TBC1D16: variants seen among roughly 807,000 people sequenced by gnomAD.
The protein encoded by TBC1D16 is CTD-2529O21.1.
Under a neutral mutation model 74.7 loss-of-function variants are expected in TBC1D16, and 58 were observed. That is an observed-to-expected ratio of 0.78 (90% CI 0.63 to 0.97). The LOEUF is 0.97. Among genes scored for constraint, TBC1D16 ranks in the 50% least tolerant of loss-of-function variants. TBC1D16 has a pLI of 0.00. For missense variants in TBC1D16, 1,014 were observed against 1,079.5 expected, an observed-to-expected ratio of 0.94 and a Z score of 0.85; for synonymous variants, 493 against 474.7, an observed-to-expected ratio of 1.04 and a Z score of -0.50.
In TBC1D16 at chr17:79,985,568, G is replaced by A. The variant is rs745548704; in HGVS notation, c.779+24592C>T. Reference sequence around the variant, plus strand: ...CAGCGGGCACTGGCCTGGCACTCACGCTCGGGGTGGGGGGCATCCCAGGCC... The same window carrying A: ...CAGCGGGCACTGGCCTGGCACTCACACTCGGGGTGGGGGGCATCCCAGGCC... On this transcript the variant is annotated intron_variant, in intron 3 of 11. Coordinates refer to ENST00000310924, the MANE Select transcript of TBC1D16 (RefSeq NM_019020.4). This position sits in a 1 kb window ranked among gnomAD's most constrained non-coding sequence, Gnocchi z 4.9. Among the ~76,000 whole-genome samples, 12 of 152,228 alleles carry A rather than the reference G, an allele frequency of 7.9e-5. No individual in the cohort carries two copies. Among genetic ancestry groups the A allele is most frequent in the South Asian group, 6.2e-4 (3 of 4,832 alleles).
rs547245816 is a variant in TBC1D16, at chr17:79,994,108, C to G, written c.779+16052G>C. Among the ~76,000 whole-genome samples the G allele has an allele frequency of 6.6e-6, 1 of 152,116 alleles. No homozygotes were observed. Among genetic ancestry groups the G allele is most frequent in the South Asian group, 2.1e-4 (1 of 4,822 alleles). On this transcript the variant is annotated intron_variant, in intron 3 of 11. Transcript: ENST00000310924. This position sits in a 1 kb window ranked among gnomAD's most constrained non-coding sequence, Gnocchi z 4.6. Reference sequence around the variant, plus strand: ...GGCACTTATTTCCTCCCTGTCCTGACAGTTTTACTAGAAAGGTCAGCTTTT... The same window carrying G: ...GGCACTTATTTCCTCCCTGTCCTGAGAGTTTTACTAGAAAGGTCAGCTTTT...
chr17:79,996,618 C>T (rs1310741251), intron 3 of TBC1D16, among the ~76,000 whole-genome samples: 3 of 152,198 alleles, frequency 2.0e-5, no homozygotes, highest in African/African-American at 7.2e-5. Flanking sequence ...CGGTGGCTCA[C>T]GCTTGCAATC....
chr17:80,030,831 A>G lies in TBC1D16; in HGVS notation c.-63+4964T>C, dbSNP rs76994553. On this transcript the variant is annotated intron_variant, in intron 1 of 11. Transcript: ENST00000310924. Reference sequence around the variant, plus strand: ...CCCACCACCGATTATTCCCATGGCCATGTCACTGCCAGACTGCTCAGGAGC... The same window carrying G: ...CCCACCACCGATTATTCCCATGGCCGTGTCACTGCCAGACTGCTCAGGAGC... 1.2e-3 allele frequency among the ~76,000 whole-genome samples: 190 copies of G among 152,308 alleles called. 3 individuals carry two copies. In the East Asian group the frequency reaches 0.035, roughly 28 times the overall value.
rs1381607840 is a variant in TBC1D16, at chr17:79,979,793, G to A, written c.780-26975C>T. On this transcript the variant is annotated intron_variant, in intron 3 of 11. Transcript: ENST00000310924. The surrounding 1 kb of genome is among the most constrained non-coding windows in gnomAD (Gnocchi z 4.8). ...AAGCTCACCCTGACTAGAGAACCAAGCAGAGACTGAGGCCAGAGAATAACC... is the reference window on the plus strand; with the variant it reads ...AAGCTCACCCTGACTAGAGAACCAAACAGAGACTGAGGCCAGAGAATAACC... 1.3e-5 allele frequency among the ~76,000 whole-genome samples: 2 copies of A among 151,850 alleles called. No individual in the cohort carries two copies. The highest frequency in any genetic ancestry group is 2.1e-4 in the South Asian group (1 of 4,804).
At chr17:80,002,678 T>G (rs1362112629) in intron 3 of TBC1D16, among the ~76,000 whole-genome samples, 4 of 152,252 alleles carry the variant, frequency 2.6e-5, no homozygotes, top group South Asian at 4.1e-4. Context: ...TCCAGACCTG[T>G]GCTGTCAGGC....
At chr17:79,943,074 C>T (rs2032168997) in intron 10 of TBC1D16, among the ~76,000 whole-genome samples, 1 of 152,206 alleles carries the variant, frequency 6.6e-6, no homozygotes, top group Non-Finnish European at 1.5e-5. Flanking sequence ...CTGACGTCGA[C>T]CACACAAACC....
rs1457831270 is a variant in TBC1D16 at position 79,935,386 on chromosome 17, C to T, written c.*5473G>A. On this transcript the variant is annotated 3_prime_UTR_variant, in exon 12 of 12. Coordinates refer to ENST00000310924, the MANE Select transcript of TBC1D16 (RefSeq NM_019020.4). ...ACCACAGCCCAGAGGGCAAGGCCTC[C>T]CAAAGTGGGCGCTTGCTGAGCCCCT... The T allele has an allele frequency of 6.6e-6, 1 of 152,302 alleles. No individual in the cohort carries two copies. The highest frequency in any genetic ancestry group is 1.5e-5 in the Non-Finnish European group (1 of 68,094). The allele number at this position is 152,302 out of a possible 1,614,324, so 9.4% of individuals were successfully genotyped here.
intron 3 of TBC1D16, among the ~76,000 whole-genome samples, chr17:79,953,918 C>T (rs1276939300): frequency 6.6e-6 from 1 of 152,046 alleles, no homozygotes; most frequent in Admixed American, 6.5e-5. Flanking sequence ...TTACAGACGT[C>T]CACCACCATG....
intron 9 of TBC1D16, among the ~76,000 whole-genome samples, chr17:79,945,288 C>A (rs75932210): frequency 0.1 from 15,282 of 152,258 alleles, 1,027 homozygotes; most frequent in Non-Finnish European, 0.15. Context: ...TCTGCCAGTT[C>A]CTCCCAGATC....
In TBC1D16 at chr17:80,028,817, T is replaced by C. The variant is rs1211491613; in HGVS notation, c.-63+6978A>G. Among the ~76,000 whole-genome samples the C allele has an allele frequency of 2.0e-5, 3 of 151,910 alleles. No individual in the cohort carries two copies. In the East Asian group the frequency reaches 5.9e-4, roughly 30 times the overall value. On this transcript the variant is annotated intron_variant, in intron 1 of 11. Transcript: ENST00000310924. ...TTAGTATAGACGGGGTTTCACCATG[T>C]GGGCCAAGATGGTTTCAATCTCCTG...
rs1307182471 is a variant in TBC1D16 at position 80,008,934 on chromosome 17, A to G, written c.779+1226T>C. ...CTTAATCGGCCTGGGGTGACCTTTT[A>G]TGCTGCAGCCCTGGGGCAGACCCAG... On this transcript the variant is annotated intron_variant, in intron 3 of 11. Transcript: ENST00000310924. This position sits in a 1 kb window ranked among gnomAD's most constrained non-coding sequence, Gnocchi z 4.5. 6.6e-6 allele frequency among the ~76,000 whole-genome samples: 1 copy of G among 152,098 alleles called. No homozygotes were observed. Among genetic ancestry groups the G allele is most frequent in the African/African-American group, 2.4e-5 (1 of 41,410 alleles).
chr17:79,963,542 A>T (rs1029379273), intron 3 of TBC1D16, among the ~76,000 whole-genome samples: 27 of 152,220 alleles, frequency 1.8e-4, no homozygotes, highest in African/African-American at 6.5e-4. Flanking sequence ...CTGTGAAGCC[A>T]TGGTGTCCAG....
At chr17:79,995,499 G>C (rs1347218556) in intron 3 of TBC1D16, among the ~76,000 whole-genome samples, 1 of 151,708 alleles carries the variant, frequency 6.6e-6, no homozygotes, top group East Asian at 1.9e-4. Context: ...AAAACCTTCA[G>C]GATCGGCCGG....
chr17:79,991,655 G>A (rs1444670607), intron 3 of TBC1D16, among the ~76,000 whole-genome samples: 1 of 150,886 alleles, frequency 6.6e-6, no homozygotes, highest in Non-Finnish European at 1.5e-5. Flanking sequence ...GAGGTCAGGT[G>A]GGGAGGCGCG....
At chr17:79,946,542 C>T (rs2143567418) in intron 9 of TBC1D16, among the ~76,000 whole-genome samples, 1 of 152,280 alleles carries the variant, frequency 6.6e-6, no homozygotes, top group Non-Finnish European at 1.5e-5. Flanking sequence ...CCCCGTTCTA[C>T]AAGTCACACT....
At chr17:80,023,657 G>GCCCCCCCCCCC (rs200450567) in intron 1 of TBC1D16, among the ~76,000 whole-genome samples, 1 of 144,316 alleles carries the variant, frequency 6.9e-6, no homozygotes, top group African/African-American at 2.8e-5. Context: ...CTGCTGCCGG[G>GCCCCCCCCCCC]CCCCCCCCCA....
rs908978958 is a variant in TBC1D16 at position 79,947,546 on chromosome 17, C to T, written c.1728+99G>A. ...GTTCCCACTGCCCACTGACCTACAGCAGCCAAGCCACGCATCACCACGGCA... is the reference window on the plus strand; with the variant it reads ...GTTCCCACTGCCCACTGACCTACAGTAGCCAAGCCACGCATCACCACGGCA... On this transcript the variant is annotated intron_variant, in intron 9 of 11. Transcript: ENST00000310924. 12 of 1,360,830 alleles carry T rather than the reference C, an allele frequency of 8.8e-6. No individual in the cohort carries two copies. In the Admixed American group the frequency reaches 2.2e-4, roughly 25 times the overall value. 84.3% of individuals were successfully genotyped at this position (1,360,830 alleles called of 1,614,324 possible).
rs1598419116 is a variant in TBC1D16, at chr17:80,008,172, T to C, written c.779+1988A>G. 6.6e-6 allele frequency among the ~76,000 whole-genome samples: 1 copy of C among 151,964 alleles called. No homozygotes were observed. Among genetic ancestry groups the C allele is most frequent in the East Asian group, 1.9e-4 (1 of 5,162 alleles). On this transcript the variant is annotated intron_variant, in intron 3 of 11. Coordinates refer to ENST00000310924, the MANE Select transcript of TBC1D16 (RefSeq NM_019020.4). The surrounding 1 kb of genome is among the most constrained non-coding windows in gnomAD (Gnocchi z 4.5). ...CCAGGAACCCCCACATGCAGCCAGG[T>C]TGAAGAACCAGCAAGGCGAAGGGCG...
In TBC1D16 at chr17:79,990,906, C is replaced by T. The variant is rs1478827166; in HGVS notation, c.779+19254G>A. ...TCCTCAACTCATCCGTGTTGCGGCGCGTGTCAGAATTGCCTTCCCAAGGCT... is the reference window on the plus strand; with the variant it reads ...TCCTCAACTCATCCGTGTTGCGGCGTGTGTCAGAATTGCCTTCCCAAGGCT... On this transcript the variant is annotated intron_variant, in intron 3 of 11. Coordinates refer to ENST00000310924, the MANE Select transcript of TBC1D16 (RefSeq NM_019020.4). The surrounding 1 kb of genome is among the most constrained non-coding windows in gnomAD (Gnocchi z 4.8). Among the ~76,000 whole-genome samples, 1 of 152,202 alleles carries T rather than the reference C, an allele frequency of 6.6e-6. No individual in the cohort carries two copies. The highest frequency in any genetic ancestry group is 2.4e-5 in the African/African-American group (1 of 41,446).
Sources: gnomAD v4.1 joint callset for allele counts (sites outside exome capture counted in the v4.1 genomes callset) on GRCh38, gnomAD v4.1.1 for gene constraint, Gnocchi (gnomAD v3.1) non-coding constraint, MANE v1.5 for transcripts, NCBI Gene and HGNC (gene_info 2026-07-23, HGNC 2026-07-21) for gene names.